CPNE3: variants seen among roughly 807,000 people sequenced by gnomAD.
The protein encoded by CPNE3 is copine-3.
A neutral mutation model predicts 63.9 loss-of-function variants in CPNE3; 68 were observed. The observed-to-expected ratio is 1.06, with a 90% CI of 0.87 to 1.30. The LOEUF (loss-of-function observed/expected upper bound fraction) is 1.30, where lower values mean the gene tolerates loss of function less well. Among genes scored for constraint, CPNE3 ranks in the 50% most tolerant of loss-of-function variants. CPNE3 has a pLI of 0.00. For synonymous variants in CPNE3, 219 were observed against 197.5 expected (o/e 1.11, Z -0.91); for missense variants, 665 against 578.1 (o/e 1.15, Z -1.54).
chr8:86,534,645 G>A (rs1171228544), intron 6 of CPNE3, among the ~76,000 whole-genome samples: 1 of 152,078 alleles, frequency 6.6e-6, no homozygotes, highest in Non-Finnish European at 1.5e-5. Flanking sequence ...AGAGAGCAAG[G>A]CTCCGTCTCA....
intron 16 of CPNE3, among the ~76,000 whole-genome samples, chr8:86,557,047 G>A (rs577795519): frequency 1.3e-5 from 2 of 152,260 alleles, no homozygotes; most frequent in African/African-American, 2.4e-5. Context: ...TTGTGTAACC[G>A]TTACCCCACA....
chr8:86,534,172 T>C, intron 6 of CPNE3, among the ~76,000 whole-genome samples: 1 of 152,190 alleles, frequency 6.6e-6, no homozygotes, highest in South Asian at 2.1e-4. Flanking sequence ...AACATGTTTC[T>C]CTCTCTACTT....
chr8:86,550,525 T>C (rs1821150531), intron 12 of CPNE3, among the ~76,000 whole-genome samples: 1 of 152,240 alleles, frequency 6.6e-6, no homozygotes, highest in African/African-American at 2.4e-5. Flanking sequence ...TGGGGGAGGA[T>C]ATCCATTTTG....
At chr8:86,529,235 C>A in intron 4 of CPNE3, 111 bp downstream of exon 4, 1 of 852,140 alleles carries the variant, frequency 1.2e-6, no homozygotes, top group Non-Finnish European at 1.8e-6. Flanking sequence ...CATGTAATCA[C>A]TTTAAAGACA....
intron 4 of CPNE3, among the ~76,000 whole-genome samples, chr8:86,529,776 T>G (rs2131444106): frequency 6.6e-6 from 1 of 152,328 alleles, no homozygotes; most frequent in African/African-American, 2.4e-5. Flanking sequence ...TTATGACCAT[T>G]TGCATAGACT....
chr8:86,526,428 T>G (rs947565589), intron 2 of CPNE3, among the ~76,000 whole-genome samples: 2 of 151,990 alleles, frequency 1.3e-5, no homozygotes, highest in Non-Finnish European at 2.9e-5. Flanking sequence ...TAGAGGCAGA[T>G]AGTGATAAAA....
In CPNE3 at chr8:86,559,421, A is replaced by G. The variant is rs1430171939; in HGVS notation, c.*1011A>G. The stretch of plus-strand genomic sequence containing the variant: ...TTGATTTGTACAGATCCACTTAGTC[A>G]TTTTCTCCTTTTTTTAAGAACCATT... On this transcript the variant is annotated 3_prime_UTR_variant, in exon 17 of 17. Transcript: ENST00000517490. The G allele has an allele frequency of 6.6e-6, 1 of 152,028 alleles. No individual in the cohort carries two copies. The highest frequency in any genetic ancestry group is 1.5e-5 in the Non-Finnish European group (1 of 67,998). 9.4% of individuals were successfully genotyped at this position (152,028 alleles called of 1,614,324 possible).
chr8:86,554,784 T>C, intron 14 of CPNE3, 67 bp from the exon 15 acceptor site: 8 of 1,567,674 alleles, frequency 5.1e-6, no homozygotes, highest in Non-Finnish European at 7.0e-6. Context: ...AATTAGCCAG[T>C]ATTGTGAATA....
At chr8:86,528,775 G>T in intron 3 of CPNE3, 98 bp downstream of exon 3, 1 of 1,429,044 alleles carries the variant, frequency 7.0e-7, no homozygotes. Flanking sequence ...TATCTCATCT[G>T]TTAATGGAGT....
intron 10 of CPNE3, 158 bp from the exon 11 acceptor site, chr8:86,547,553 T>TGGGG: frequency 1.8e-6 from 1 of 569,948 alleles, no homozygotes; most frequent in Non-Finnish European, 3.1e-6. Context: ...TCATGGCACA[T>TGGGG]AGGGGAAGGG....
chr8:86,551,168 G>A lies in CPNE3; in HGVS notation c.1069-15G>A. 1 of 1,613,378 alleles carries A rather than the reference G, an allele frequency of 6.2e-7. No individual in the cohort carries two copies. On this transcript the variant is annotated splice_polypyrimidine_tract_variant and intron_variant, in intron 13 of 16. Coordinates refer to ENST00000517490, the MANE Select transcript of CPNE3 (RefSeq NM_003909.5). ...GCAGCCCAGCCCTCATCAGTCCTTTGTCCATCTTTGACAGGTATCACATGA... is the reference window on the plus strand; with the variant it reads ...GCAGCCCAGCCCTCATCAGTCCTTTATCCATCTTTGACAGGTATCACATGA...
Position 86,548,080 on chromosome 8 carries a change from A to G in CPNE3, c.880-221A>G, listed in dbSNP as rs112877314. 4.7e-3 allele frequency among the ~76,000 whole-genome samples: 715 copies of G among 152,340 alleles called. 5 individuals are homozygous for G. The highest frequency in any genetic ancestry group is 0.016 in the African/African-American group (653 of 41,580). On this transcript the variant is annotated intron_variant, in intron 11 of 16. Coordinates refer to ENST00000517490, the MANE Select transcript of CPNE3 (RefSeq NM_003909.5). ...CAACCCTTAAGCTTAAGTAATGGAT[A>G]CAATAATTCATTATTTAAGCCATCT...
chr8:86,537,661 T>C lies in CPNE3; in HGVS notation c.543+15T>C. ...ATCGGACAGAGGTGAATATTTGAAT[T>C]TGAAAAGCAGAGTGGAGGTGTTCTT... On this transcript the variant is annotated intron_variant, in intron 7 of 16. Coordinates refer to ENST00000517490, the MANE Select transcript of CPNE3 (RefSeq NM_003909.5). The C allele has an allele frequency of 4.7e-6, 7 of 1,477,622 alleles. No homozygotes were observed. The highest frequency in any genetic ancestry group is 6.6e-6 in the Non-Finnish European group (7 of 1,055,448). The allele number at this position is 1,477,622 out of a possible 1,614,324, so 91.5% of individuals were successfully genotyped here.
At chr8:86,533,139 A>G (rs996392727) in intron 6 of CPNE3, among the ~76,000 whole-genome samples, 2 of 151,862 alleles carry the variant, frequency 1.3e-5, no homozygotes, top group African/African-American at 4.8e-5. Flanking sequence ...CAATCCTCCC[A>G]TCTCATACTC....
intron 11 of CPNE3, 52 bp downstream of exon 11, chr8:86,547,822 T>A: frequency 2.3e-6 from 2 of 861,638 alleles, no homozygotes; most frequent in Non-Finnish European, 3.9e-6. Context: ...CATGTTGCAG[T>A]ATATTTTCTT....
rs34109843 is a variant in CPNE3, at chr8:86,537,987, T to TCACA, written c.543+359_543+362dup. Among the ~76,000 whole-genome samples, 1,182 of 142,298 alleles carry TCACA rather than the reference T, an allele frequency of 8.3e-3. 13 individuals are homozygous for TCACA. Among genetic ancestry groups the TCACA allele is most frequent in the Middle Eastern group, 0.057 (16 of 280 alleles). 93.4% of individuals were successfully genotyped at this position (142,298 alleles called of 152,430 possible). On this transcript the variant is annotated intron_variant, in intron 7 of 16. Transcript: ENST00000517490. ...CTCTGTCTCTCTCTCTCTCTCTCTCTCACACACACACACACACACACTTAT... is the reference window on the plus strand; with the variant it reads ...CTCTGTCTCTCTCTCTCTCTCTCTCTCACACACACACACACACACACACACTTAT...
At chr8:86,517,568 AAAG>A (rs1336438224) in intron 2 of CPNE3, among the ~76,000 whole-genome samples, 1 of 152,222 alleles carries the variant, frequency 6.6e-6, no homozygotes, top group Non-Finnish European at 1.5e-5. Context: ...AATTTTTTAA[AAAG>A]AAGTGAAAAT....
chr8:86,560,526 A>G lies in CPNE3; in HGVS notation c.*2116A>G, dbSNP rs1219831822. On this transcript the variant is annotated 3_prime_UTR_variant, in exon 17 of 17. Coordinates refer to ENST00000517490, the MANE Select transcript of CPNE3 (RefSeq NM_003909.5). ...TTCTTCAGCCAAATAACAGGTAATC[A>G]CTGTCAATTGGATTTGGTCTTCATT... 1 of 152,134 alleles carries G rather than the reference A, an allele frequency of 6.6e-6. No individual in the cohort carries two copies. Among genetic ancestry groups the G allele is most frequent in the Non-Finnish European group, 1.5e-5 (1 of 68,028 alleles). 9.4% of individuals were successfully genotyped at this position (152,134 alleles called of 1,614,324 possible).
chr8:86,545,250 G>A (rs1379200575), intron 9 of CPNE3: 1 of 153,016 alleles, frequency 6.5e-6, no homozygotes, highest in Non-Finnish European at 1.5e-5. Flanking sequence ...GTAGGCATTG[G>A]TTTCCGTGGC....
Sources: gnomAD v4.1 joint callset for allele counts (sites outside exome capture counted in the v4.1 genomes callset) on GRCh38, gnomAD v4.1.1 for gene constraint, MANE v1.5 for transcripts, NCBI Gene and HGNC (gene_info 2026-07-23, HGNC 2026-07-21) for gene names.